The following CLVS1 variants were observed in gnomAD, a reference collection of about 807,000 sequenced individuals.
CLVS1 encodes clavesin 1, also known as clavesin-1.
CLVS1 carries 10 observed loss-of-function variants against 33.1 expected under a neutral mutation model. The ratio of observed to expected loss-of-function variants is 0.30; its 90% CI spans 0.19 to 0.51. The LOEUF is 0.51. CLVS1 is among the 20% of genes least tolerant of loss of function. The probability of loss-of-function intolerance (pLI) is 0.97; values close to 1 mark genes in which losing one functional copy is unlikely to be tolerated. For missense variants in CLVS1, 343 were observed against 433.4 expected (o/e 0.79, Z 1.85); for synonymous variants, 163 against 166.1 (o/e 0.98, Z 0.14).
At chr8:61,232,531 T>A (rs189695686) in intron 2 of CLVS1, among the ~76,000 whole-genome samples, 8 of 152,306 alleles carry the variant, frequency 5.3e-5, no homozygotes, top group African/African-American at 1.9e-4. Context: ...CCAAACTAGT[T>A]TCCTTCCTTT....
At position 61,355,875 on chromosome 8, in the gene CLVS1, C is replaced by T. The variant is rs186648959; in HGVS notation, c.456-20730C>T. 2.4e-3 allele frequency among the ~76,000 whole-genome samples: 365 copies of T among 152,272 alleles called. 1 individual carries two copies. Among genetic ancestry groups the T allele is most frequent in the African/African-American group, 7.4e-3 (306 of 41,544 alleles). ...TGTGAATAGTGCCGCAATAAACATACGTGTGCATGTGTTTTTATAGCAGCA... is the reference window on the plus strand; with the variant it reads ...TGTGAATAGTGCCGCAATAAACATATGTGTGCATGTGTTTTTATAGCAGCA... On this transcript the variant is annotated intron_variant, in intron 2 of 5. Coordinates refer to ENST00000325897, the MANE Select transcript of CLVS1 (RefSeq NM_173519.3).
At chr8:61,028,216 A>C in the CLVS1 span, among the ~76,000 whole-genome samples, 5 of 152,366 alleles carry the variant, frequency 3.3e-5, no homozygotes, top group South Asian at 1.0e-3. Flanking sequence ...TGTCGGGAGG[A>C]ATCTGTGAAT....
At chr8:60,968,229 G>T in the CLVS1 span, among the ~76,000 whole-genome samples, 1 of 152,218 alleles carries the variant, frequency 6.6e-6, no homozygotes, top group Non-Finnish European at 1.5e-5. Context: ...ACTGTGCAAG[G>T]CCGGGCGCAG....
At chr8:61,083,553 A>G (rs911943383) in intron 1 of CLVS1, among the ~76,000 whole-genome samples, 1 of 152,174 alleles carries the variant, frequency 6.6e-6, no homozygotes. Flanking sequence ...ACAGGCATCA[A>G]CGTGAACAGA....
At chr8:61,404,750 G>C (rs1814916169) in intron 3 of CLVS1, among the ~76,000 whole-genome samples, 1 of 152,194 alleles carries the variant, frequency 6.6e-6, no homozygotes, top group Non-Finnish European at 1.5e-5. Flanking sequence ...GAGGATGGAA[G>C]AGTGAAATCT....
At chr8:61,030,451 A>G in the CLVS1 span, among the ~76,000 whole-genome samples, 1 of 152,146 alleles carries the variant, frequency 6.6e-6, no homozygotes, top group Admixed American at 6.5e-5. Context: ...TTGTTTGGTT[A>G]TAGGGAAATA....
the CLVS1 span, among the ~76,000 whole-genome samples, chr8:61,045,052 T>C: frequency 6.6e-6 from 1 of 152,182 alleles, no homozygotes; most frequent in African/African-American, 2.4e-5. Context: ...ATCAATGGGC[T>C]CATGAGTGGA....
intron 3 of CLVS1, among the ~76,000 whole-genome samples, chr8:61,408,321 G>T (rs908053383): frequency 6.6e-6 from 1 of 152,172 alleles, no homozygotes; most frequent in African/African-American, 2.4e-5. Context: ...CAAAGAACCA[G>T]GGTGGAACTT....
chr8:61,207,978 T>C (rs1022333120), intron 2 of CLVS1, among the ~76,000 whole-genome samples: 2 of 152,218 alleles, frequency 1.3e-5, no homozygotes, highest in African/African-American at 4.8e-5. Context: ...ACACCCTGAT[T>C]ATTGCAGGTA....
intron 5 of CLVS1, among the ~76,000 whole-genome samples, chr8:61,463,178 A>G (rs568453895): frequency 2.0e-5 from 3 of 152,154 alleles, no homozygotes; most frequent in Non-Finnish European, 4.4e-5. Flanking sequence ...TTTCTTCTAC[A>G]GCTTCCTCAC....
At chr8:61,027,896 T>C in the CLVS1 span, among the ~76,000 whole-genome samples, 1 of 152,242 alleles carries the variant, frequency 6.6e-6, no homozygotes, top group Non-Finnish European at 1.5e-5. Context: ...TGTTCTCACT[T>C]AGAAACATGA....
At position 61,415,990 on chromosome 8, in the gene CLVS1, A is replaced by G. The variant is rs547573790; in HGVS notation, c.631-38151A>G. Among the ~76,000 whole-genome samples the G allele has an allele frequency of 1.5e-3, 226 of 152,284 alleles. 3 individuals carry two copies. Among genetic ancestry groups the G allele is most frequent in the Non-Finnish European group, 2.1e-4 (14 of 68,022 alleles). ...GGTGAATCCTCTGTAACACTCATCC[A>G]AAGCATACGTGCATGGATGCTTTCC... On this transcript the variant is annotated intron_variant, in intron 3 of 5. Coordinates refer to ENST00000325897, the MANE Select transcript of CLVS1 (RefSeq NM_173519.3).
intron 3 of CLVS1, among the ~76,000 whole-genome samples, chr8:61,388,608 T>C (rs1056749308): frequency 6.6e-5 from 10 of 151,966 alleles, no homozygotes; most frequent in African/African-American, 1.4e-4. Flanking sequence ...CACTTCATTC[T>C]TTTTTTGTTA....
chr8:61,112,302 T>C (rs1457427038), intron 1 of CLVS1, among the ~76,000 whole-genome samples: 1 of 152,154 alleles, frequency 6.6e-6, no homozygotes, highest in Non-Finnish European at 1.5e-5. Flanking sequence ...TACTTGATCA[T>C]GGTGTATTAG....
chr8:61,198,261 A>G (rs1363505355), intron 2 of CLVS1, among the ~76,000 whole-genome samples: 1 of 152,190 alleles, frequency 6.6e-6, no homozygotes, highest in Non-Finnish European at 1.5e-5. Flanking sequence ...TTTAATATTT[A>G]AATTTCAATA....
intron 1 of CLVS1, among the ~76,000 whole-genome samples, chr8:61,119,197 C>T (rs1805804695): frequency 6.6e-6 from 1 of 152,120 alleles, no homozygotes; most frequent in South Asian, 2.1e-4. Flanking sequence ...ATGGCAACCC[C>T]TGCCTTTATT....
chr8:61,397,252 TGAAAC>T (rs1178534965), intron 3 of CLVS1, among the ~76,000 whole-genome samples: 11 of 152,182 alleles, frequency 7.2e-5, no homozygotes, highest in African/African-American at 2.7e-4. Context: ...TTTGTTGATA[TGAAAC>T]AGTATCTCAT....
intron 5 of CLVS1, among the ~76,000 whole-genome samples, chr8:61,461,807 C>G (rs911170845): frequency 6.6e-6 from 1 of 152,156 alleles, no homozygotes; most frequent in Non-Finnish European, 1.5e-5. Flanking sequence ...CAAAAGCCCT[C>G]CAAATGACAC....
chr8:61,367,377 A>G (rs1813254050), intron 2 of CLVS1, among the ~76,000 whole-genome samples: 1 of 152,156 alleles, frequency 6.6e-6, no homozygotes, highest in South Asian at 2.1e-4. Context: ...TGGTGTCTAC[A>G]CGCTAAGCTC....
Sources: allele counts gnomAD v4.1 joint callset (sites outside exome capture counted in the v4.1 genomes callset), GRCh38; gene constraint gnomAD v4.1.1; transcripts MANE v1.5; gene names NCBI Gene and HGNC (gene_info 2026-07-23, HGNC 2026-07-21).